Variants in STK40 observed in about 807,000 individuals in gnomAD.
STK40 encodes serine/threonine-protein kinase 40.
A neutral mutation model predicts 47.9 loss-of-function variants in STK40; 13 were observed. The ratio of observed to expected loss-of-function variants is 0.27; its 90% CI spans 0.18 to 0.43. STK40 has a LOEUF of 0.43. STK40 is among the 20% of genes least tolerant of loss of function. STK40 has a pLI of 1.00. For synonymous variants in STK40, 225 were observed against 243.2 expected (o/e 0.93, Z 0.69); for missense variants, 460 against 595.1 (o/e 0.77, Z 2.36).
intron 1 of STK40, 96 bp from the exon 2 acceptor site, chr1:36,361,436 C>T: frequency 1.3e-6 from 2 of 1,554,614 alleles, no homozygotes; most frequent in Non-Finnish European, 1.7e-6. Flanking sequence ...ATGCATCACA[C>T]AGCTGCCGCT....
At chr1:36,363,962 T>C (rs528177527) in intron 1 of STK40, among the ~76,000 whole-genome samples, 25 of 151,894 alleles carry the variant, frequency 1.6e-4, no homozygotes, top group Middle Eastern at 6.8e-3. Context: ...CCATCCTGGT[T>C]AACACGGTGA....
At chr1:36,378,596 C>T (rs552599033) in intron 1 of STK40, among the ~76,000 whole-genome samples, 1 of 152,112 alleles carries the variant, frequency 6.6e-6, no homozygotes, top group East Asian at 1.9e-4. Flanking sequence ...GTAGCTGGGA[C>T]TACAGCCGTG....
chr1:36,362,534 C>T (rs1184509589), intron 1 of STK40: 9 of 152,178 alleles, frequency 5.9e-5, no homozygotes, highest in Admixed American at 4.6e-4. Flanking sequence ...TGAGAGGTGG[C>T]CCAGGATAGA....
chr1:36,359,454 T>C (rs1007754812), intron 2 of STK40, among the ~76,000 whole-genome samples: 10 of 152,126 alleles, frequency 6.6e-5, no homozygotes, highest in Non-Finnish European at 1.5e-5. Flanking sequence ...GAAGAGCAAC[T>C]TCAGGGTGAG....
Position 36,358,109 on chromosome 1 carries a change from C to T in STK40, c.342+130G>A. On this transcript the variant is annotated intron_variant, in intron 4 of 10. Coordinates refer to ENST00000373132, the MANE Select transcript of STK40 (RefSeq NM_001282547.2). ...GCCCATCTCACCCACCCTGGAAGTCCTGATGTACCTAGCATGGCAGGGACA... is the reference window on the plus strand; with the variant it reads ...GCCCATCTCACCCACCCTGGAAGTCTTGATGTACCTAGCATGGCAGGGACA... 5.9e-6 allele frequency: 7 copies of T among 1,191,654 alleles called. No individual in the cohort carries two copies. The South Asian group carries it at 1.7e-4, about 29-fold the overall frequency. The allele number at this position is 1,191,654 out of a possible 1,614,324, so 73.8% of individuals were successfully genotyped here.
chr1:36,344,436 C>T (rs1305287357), intron 7 of STK40, among the ~76,000 whole-genome samples, 172 bp from the exon 8 acceptor site: 1 of 152,182 alleles, frequency 6.6e-6, no homozygotes, highest in African/African-American at 2.4e-5. Context: ...GGATGCACCT[C>T]TCCTGCCCCA....
At chr1:36,373,211 G>T (rs1014668291) in intron 1 of STK40, among the ~76,000 whole-genome samples, 24 of 152,304 alleles carry the variant, frequency 1.6e-4, no homozygotes, top group South Asian at 2.1e-4. Context: ...GCTGTGGCTG[G>T]CGGTGTCACC....
At position 36,349,440 on chromosome 1, in the gene STK40, A is replaced by G. The variant is rs143905114; in HGVS notation, c.624-625T>C. ...ACAGGGAAGTGAAAGGACTTGGCCA[A>G]GGTCATGCAGCTGGTGAGCAGAAGA... On this transcript the variant is annotated intron_variant, in intron 6 of 10. Coordinates refer to ENST00000373132, the MANE Select transcript of STK40 (RefSeq NM_001282547.2). Among the ~76,000 whole-genome samples, 216 of 152,344 alleles carry G rather than the reference A, an allele frequency of 1.4e-3. 2 individuals carry two copies. Among genetic ancestry groups the G allele is most frequent in the African/African-American group, 5.1e-3 (212 of 41,584 alleles).
chr1:36,344,080 G>T, intron 8 of STK40, 40 bp downstream of exon 8: 4 of 1,600,974 alleles, frequency 2.5e-6, no homozygotes, highest in Non-Finnish European at 3.4e-6. Context: ...AAGCCCATCA[G>T]GCTGGCTGCC....
At chr1:36,362,708 C>T (rs1325446108) in intron 1 of STK40, 1 of 152,132 alleles carries the variant, frequency 6.6e-6, no homozygotes, top group Admixed American at 6.5e-5. Flanking sequence ...AATAAGGTAC[C>T]CATGACCTTA....
In STK40 at chr1:36,345,991, A is replaced by ATATATATTTTTTTT; in HGVS notation, c.740-1728_740-1727insAAAAAAAATATATA. ...TACATATATATATATATATATATATATTTTTTTTTTTTTTTTTTCCTGAGA... is the reference window on the plus strand; with the variant it reads ...TACATATATATATATATATATATATATATATATTTTTTTTTTTTTTTTTTTTTTTTTTCCTGAGA... On this transcript the variant is annotated intron_variant, in intron 7 of 10. Transcript: ENST00000373132. Among the ~76,000 whole-genome samples, 196 of 26,446 alleles carry ATATATATTTTTTTT rather than the reference A, an allele frequency of 7.4e-3. 15 individuals carry two copies. The highest frequency in any genetic ancestry group is 0.011 in the East Asian group (15 of 1,364). The allele number at this position is 26,446 out of a possible 152,430, so 17.3% of individuals were successfully genotyped here. A position where few individuals can be genotyped will look rare whatever the true frequency, so the allele number is the denominator to read the frequency against.
intron 4 of STK40, 132 bp downstream of exon 4, chr1:36,358,107 T>A: frequency 8.6e-7 from 1 of 1,157,534 alleles, no homozygotes; most frequent in South Asian, 2.6e-5. Flanking sequence ...ACCCTGGAAG[T>A]CCTGATGTAC....
intron 7 of STK40, among the ~76,000 whole-genome samples, chr1:36,344,708 C>T (rs184704764): frequency 1.4e-3 from 213 of 152,354 alleles, no homozygotes; most frequent in Non-Finnish European, 2.7e-3. Flanking sequence ...CTACTTGTGA[C>T]TCCCCGTCTC....
intron 1 of STK40, among the ~76,000 whole-genome samples, chr1:36,376,223 A>T (rs1646991292): frequency 6.6e-6 from 1 of 152,160 alleles, no homozygotes; most frequent in African/African-American, 2.4e-5. Flanking sequence ...TGGACACGGC[A>T]GATCACGAGG....
chr1:36,346,001 T>A (rs1184897701), intron 7 of STK40, among the ~76,000 whole-genome samples: 1 of 95,362 alleles, frequency 1.0e-5, no homozygotes, highest in Non-Finnish European at 2.1e-5. Flanking sequence ...ATTTTTTTTT[T>A]TTTTTTTTCC....
chr1:36,370,049 C>T (rs1055291405), intron 1 of STK40, among the ~76,000 whole-genome samples: 39 of 152,222 alleles, frequency 2.6e-4, no homozygotes, highest in Admixed American at 6.5e-5. Flanking sequence ...GGTGCCACAG[C>T]TGTAGGTAAC....
Position 36,343,925 on chromosome 1 carries a change from A to C in STK40, c.939T>G (p.Leu313=), listed in dbSNP as rs1484640634. The C allele has an allele frequency of 8.1e-6, 13 of 1,608,356 alleles. No individual in the cohort carries two copies. Among genetic ancestry groups the C allele is most frequent in the Non-Finnish European group, 1.1e-5 (13 of 1,176,020 alleles). The change falls in exon 9 of 11, where the codon CTT becomes CTG. Residue 313 remains leucine (L), a synonymous_variant. Transcript: ENST00000373132. ...TVCLIRKLLV[L]DPQQRLAAAD... The stretch of plus-strand genomic sequence containing the variant: ...CGGCGGCCAGGCGCTGCTGGGGGTC[A>C]AGGACCAGCAGCTTCCGGATGAGAC...
At chr1:36,358,455 G>C (rs1646824229) in intron 3 of STK40, 73 bp from the exon 4 acceptor site, 1 of 1,528,500 alleles carries the variant, frequency 6.5e-7, no homozygotes, top group Admixed American at 2.0e-5. Flanking sequence ...CAGAACGGGG[G>C]AAGCAGGGGG....
intron 2 of STK40, 50 bp from the exon 3 acceptor site, chr1:36,358,872 C>T (rs771044179): frequency 1.0e-5 from 16 of 1,604,942 alleles, no homozygotes; most frequent in Non-Finnish European, 1.3e-5. Context: ...CTGGCTGTCA[C>T]GACGCCAGGT....
Sources: allele counts gnomAD v4.1 joint callset (sites outside exome capture counted in the v4.1 genomes callset), GRCh38; gene constraint gnomAD v4.1.1; transcripts MANE v1.5; gene names NCBI Gene and HGNC (gene_info 2026-07-23, HGNC 2026-07-21).